RASA2: variants seen among roughly 807,000 people sequenced by gnomAD.
RASA2 encodes RAS p21 protein activator 2, also known as ras GTPase-activating protein 2.
Under a neutral mutation model 118.2 loss-of-function variants are expected in RASA2, and 155 were observed. The observed-to-expected ratio is 1.31, with a 90% confidence interval of 1.15 to 1.50. The LOEUF is 1.50. Ranked by LOEUF, RASA2 falls within the 40% of genes most tolerant of loss-of-function variation. The probability of loss-of-function intolerance (pLI) is 0.00; values close to 1 mark genes in which losing one functional copy is unlikely to be tolerated. For synonymous variants in RASA2, 353 were observed against 349.1 expected, an observed-to-expected ratio of 1.01 and a Z score of -0.12; for missense variants, 1,016 against 1,009.6, an observed-to-expected ratio of 1.01 and a Z score of -0.09.
intron 5 of RASA2, among the ~76,000 whole-genome samples, chr3:141,551,672 C>G (rs2082577668): frequency 6.6e-6 from 1 of 152,034 alleles, no homozygotes; most frequent in African/African-American, 2.4e-5. Flanking sequence ...TGATTTTGTT[C>G]AATTCGTTTT....
At chr3:141,536,493 T>C (rs1560015841) in intron 4 of RASA2, among the ~76,000 whole-genome samples, 1 of 152,048 alleles carries the variant, frequency 6.6e-6, no homozygotes, top group African/African-American at 2.4e-5. Flanking sequence ...CCCCTTAATA[T>C]AAGATAATGT....
At chr3:141,610,742 C>T (rs1002440318) in intron 23 of RASA2, among the ~76,000 whole-genome samples, 2 of 151,874 alleles carry the variant, frequency 1.3e-5, no homozygotes, top group African/African-American at 4.8e-5. Context: ...CCTCCTGCCT[C>T]GTCTCTCAAA....
In RASA2 at chr3:141,577,010, T is replaced by C. The variant is rs902911668; in HGVS notation, c.1494T>C (p.His498=). The change falls in exon 15 of 24, where the codon CAT becomes CAC. Residue 498 remains histidine (H), a synonymous_variant. Transcript: ENST00000286364. ...ATTTTTTTCCTGCAGATGACCCTCA[T>C]GTTCAGTATTCTGCAGTGAGCAGCT... The part of the protein sequence containing the change: ...MATQRFPNDP[H]VQYSAVSSFV... The C allele has an allele frequency of 1.3e-6, 2 of 1,598,180 alleles. No homozygotes were observed. The highest frequency in any genetic ancestry group is 2.3e-5 in the East Asian group (1 of 44,106).
chr3:141,611,952 C>A (rs974932147), intron 23 of RASA2, among the ~76,000 whole-genome samples: 3 of 152,172 alleles, frequency 2.0e-5, no homozygotes, highest in African/African-American at 7.2e-5. Flanking sequence ...ACACACCATA[C>A]CACTTCCCAG....
At chr3:141,487,363 AG>A in intron 1 of RASA2, 147 bp downstream of exon 1, 1 of 787,330 alleles carries the variant, frequency 1.3e-6, no homozygotes, top group Non-Finnish European at 1.6e-6. Flanking sequence ...TGAGGCTGGA[AG>A]GGGGTGTGTT....
In RASA2 at chr3:141,609,880, C is replaced by A; in HGVS notation, c.2333C>A (p.Ala778Asp). ...TTTATTTTCCTGCTCTTTGTAGAGG[C>A]TTGTGGAACTATTGCAGTCTATCAA... ...SLLKLQKMEE[A>D]CGTIAVYQGP... The change falls in exon 23 of 24, where the codon GCT becomes GAT. Residue 778 changes from alanine to aspartate, a missense_variant. Physicochemically the swap from Ala to Asp is moderately radical, Grantham distance 126. Coordinates refer to ENST00000286364, the MANE Select transcript of RASA2 (RefSeq NM_006506.5). 1 of 1,563,136 alleles carries A rather than the reference C, an allele frequency of 6.4e-7. No individual in the cohort carries two copies. The highest frequency in any genetic ancestry group is 8.6e-7 in the Non-Finnish European group (1 of 1,159,812).
At chr3:141,492,464 T>C (rs988945895) in intron 1 of RASA2, among the ~76,000 whole-genome samples, 2 of 152,224 alleles carry the variant, frequency 1.3e-5, no homozygotes, top group Non-Finnish European at 2.9e-5. Flanking sequence ...CAAAAACCCC[T>C]ATCTAAAGTG....
intron 1 of RASA2, 134 bp downstream of exon 1, chr3:141,487,350 G>T (rs2081590253): frequency 1.8e-6 from 2 of 1,084,380 alleles, no homozygotes; most frequent in Non-Finnish European, 2.3e-6. Context: ...GGCCGGGCGC[G>T]GTTGAGGCTG....
At chr3:141,596,772 G>C (rs1173039235) in intron 19 of RASA2, among the ~76,000 whole-genome samples, 2 of 152,178 alleles carry the variant, frequency 1.3e-5, no homozygotes, top group Non-Finnish European at 2.9e-5. Context: ...TAGAGTGTCT[G>C]TAACAAATAA....
intron 1 of RASA2, among the ~76,000 whole-genome samples, chr3:141,495,472 A>G (rs2081689159): frequency 2.6e-5 from 4 of 152,252 alleles, no homozygotes; most frequent in African/African-American, 9.6e-5. Context: ...AGGAAATACA[A>G]ATGTCCAGTA....
rs751755755 is a variant in RASA2, at chr3:141,612,345, A to C, written c.*32A>C. 1 of 1,526,848 alleles carries C rather than the reference A, an allele frequency of 6.5e-7. No homozygotes were observed. The highest frequency in any genetic ancestry group is 1.2e-5 in the South Asian group (1 of 83,336). The allele number at this position is 1,526,848 out of a possible 1,614,324, so 94.6% of individuals were successfully genotyped here. A position where few individuals can be genotyped will look rare whatever the true frequency, so the allele number is the denominator to read the frequency against. ...ACAGATTGGTTCAGAAGAACTGGAA[A>C]ATATTATTTTTCTTGGAGCTTTTCA... On this transcript the variant is annotated 3_prime_UTR_variant, in exon 24 of 24. Transcript: ENST00000286364.
intron 19 of RASA2, 55 bp from the exon 20 acceptor site, chr3:141,607,620 ATCT>A: frequency 1.3e-6 from 2 of 1,482,928 alleles, no homozygotes; most frequent in Non-Finnish European, 1.8e-6. Context: ...TTAACCTCTC[ATCT>A]TTATAATTCT....
At chr3:141,525,818 TAAA>T (rs1043412791) in intron 3 of RASA2, 1 of 151,158 alleles carries the variant, frequency 6.6e-6, no homozygotes, top group African/African-American at 2.4e-5. Flanking sequence ...AAAAAAAAAT[TAAA>T]AAAAATACAT....
chr3:141,562,873 A>G (rs2082757770), intron 9 of RASA2, among the ~76,000 whole-genome samples: 1 of 151,908 alleles, frequency 6.6e-6, no homozygotes, highest in African/African-American at 2.4e-5. Context: ...GGGTTTCACC[A>G]TGTTCACCAG....
At chr3:141,571,811 T>G (rs778250019) in intron 11 of RASA2, among the ~76,000 whole-genome samples, 36 of 152,076 alleles carry the variant, frequency 2.4e-4, no homozygotes, top group Non-Finnish European at 4.1e-4. Context: ...CTTCTTAGTG[T>G]AATGGTTCAC....
chr3:141,503,164 T>G lies in RASA2; in HGVS notation c.134-8999T>G, dbSNP rs190645656. ...CTTAATAAATCTTTATCTTCTTTTC[T>G]GTCTTATCCCTGTAGTGTCCTCCCC... On this transcript the variant is annotated intron_variant, in intron 1 of 23. Transcript: ENST00000286364. Among the ~76,000 whole-genome samples, 4 of 152,362 alleles carry G rather than the reference T, an allele frequency of 2.6e-5. No individual in the cohort carries two copies. In the East Asian group the frequency reaches 5.8e-4, roughly 22 times the overall value.
At chr3:141,520,612 A>G (rs1302793679) in intron 3 of RASA2, among the ~76,000 whole-genome samples, 1 of 151,888 alleles carries the variant, frequency 6.6e-6, no homozygotes, top group Non-Finnish European at 1.5e-5. Context: ...TGCATATTGT[A>G]TTATATGATA....
intron 1 of RASA2, among the ~76,000 whole-genome samples, chr3:141,496,150 C>T (rs181273158): frequency 5.3e-5 from 8 of 152,240 alleles, no homozygotes; most frequent in African/African-American, 1.4e-4. Context: ...TTCCTTACAC[C>T]TTGTACAAAA....
intron 7 of RASA2, among the ~76,000 whole-genome samples, 162 bp downstream of exon 7, chr3:141,556,074 C>T (rs547296597): frequency 7.2e-5 from 11 of 152,252 alleles, no homozygotes; most frequent in Non-Finnish European, 1.5e-4. Context: ...GCAATGGATG[C>T]CCAATATATA....
Sources: allele counts gnomAD v4.1 joint callset (sites outside exome capture counted in the v4.1 genomes callset), GRCh38; gene constraint gnomAD v4.1.1; transcripts MANE v1.5; gene names NCBI Gene and HGNC (gene_info 2026-07-23, HGNC 2026-07-21).